Variants in LYPD1 observed in about 807,000 individuals in gnomAD.
LYPD1 encodes the protein ly6/PLAUR domain-containing protein 1.
Under a neutral mutation model 14.2 loss-of-function variants are expected in LYPD1, and 14 were observed. The observed-to-expected ratio is 0.99, with a 90% CI of 0.65 to 1.54. The LOEUF (loss-of-function observed/expected upper bound fraction) is 1.54, where lower values mean the gene tolerates loss of function less well. Ranked by LOEUF, LYPD1 falls within the 40% of genes most tolerant of loss-of-function variation. LYPD1 has a pLI of 0.00. For missense variants in LYPD1, 165 were observed against 175.7 expected (o/e 0.94, Z 0.34); for synonymous variants, 85 against 70.6 (o/e 1.20, Z -1.02).
chr2:132,645,503 A>G lies in LYPD1; in HGVS notation c.*542T>C. ...ACTTTTCAGAGCGAGGCCGAGCCCCAGTCTAAGTCCCAGTCATTGAGTCTC... is the reference window on the plus strand; with the variant it reads ...ACTTTTCAGAGCGAGGCCGAGCCCCGGTCTAAGTCCCAGTCATTGAGTCTC... On this transcript the variant is annotated 3_prime_UTR_variant, in exon 3 of 3. Transcript: ENST00000397463. The G allele has an allele frequency of 6.2e-7, 1 of 1,613,562 alleles. No individual in the cohort carries two copies. The highest frequency in any genetic ancestry group is 2.2e-5 in the East Asian group (1 of 44,854).
At chr2:132,656,525 A>AT (rs138478348) in intron 2 of LYPD1, among the ~76,000 whole-genome samples, 8,781 of 152,008 alleles carry the variant, frequency 0.058, 818 homozygotes, top group African/African-American at 0.2. Flanking sequence ...GCATCCAAGT[A>AT]TTTTTTTTGT....
rs1006198109 is a variant in LYPD1, at chr2:132,669,908, T to C, written c.25A>G (p.Thr9Ala). Residue 9 changes from threonine (T) to alanine (A), a missense_variant, in exon 1 of 3, where the codon ACT becomes GCT. Transcript: ENST00000397463. This position sits in a 1 kb window ranked among gnomAD's most constrained non-coding sequence, Gnocchi z 4.3. Reference protein sequence around the residue: MWVLGIAATFCGLFLLPGF... With the variant: MWVLGIAAAFCGLFLLPGF... Reference sequence around the variant, plus strand: ...GGAAGCAAGAACAATCCGCAAAAAGTTGCCGCGATGCCTAGGACCCACATT... The same window carrying C: ...GGAAGCAAGAACAATCCGCAAAAAGCTGCCGCGATGCCTAGGACCCACATT... 9.3e-6 allele frequency: 15 copies of C among 1,612,758 alleles called. No individual in the cohort carries two copies. The highest frequency in any genetic ancestry group is 1.1e-5 in the Non-Finnish European group (13 of 1,179,370).
intron 2 of LYPD1, among the ~76,000 whole-genome samples, chr2:132,657,281 C>T (rs1294087980): frequency 6.6e-6 from 1 of 152,200 alleles, no homozygotes; most frequent in Non-Finnish European, 1.5e-5. Flanking sequence ...TCTGCGCAGT[C>T]ACTTGCTTTC....
chr2:132,670,021 G>T lies in LYPD1; in HGVS notation c.-89C>A. On this transcript the variant is annotated 5_prime_UTR_variant, in exon 1 of 3. Transcript: ENST00000397463. This position sits in a 1 kb window ranked among gnomAD's most constrained non-coding sequence, Gnocchi z 4.5. ...TGCCCCGGCTGCAGCGGCTGTGGCT[G>T]CCGAGGCTGCTGGGGCCCGCGCTGC... The T allele has an allele frequency of 6.4e-7, 1 of 1,570,096 alleles. No homozygotes were observed. Among genetic ancestry groups the T allele is most frequent in the Non-Finnish European group, 8.6e-7 (1 of 1,165,812 alleles).
In LYPD1 at chr2:132,650,038, AAAT is replaced by A. The variant is rs537893763; in HGVS notation, c.191-3761_191-3759del. Among the ~76,000 whole-genome samples, 114 of 152,346 alleles carry A rather than the reference AAAT, an allele frequency of 7.5e-4. 7 individuals are homozygous for A. In the South Asian group the frequency reaches 0.023, roughly 31 times the overall value. On this transcript the variant is annotated intron_variant, in intron 2 of 2. Coordinates refer to ENST00000397463, the MANE Select transcript of LYPD1 (RefSeq NM_144586.7). ...AAAAAGACAAGTGAAACATTGGAAA[AAAT>A]AATTGTAACTCAAATCACAAAGCAG...
intron 2 of LYPD1, among the ~76,000 whole-genome samples, chr2:132,648,361 C>G (rs1558874659): frequency 6.6e-6 from 1 of 152,232 alleles, no homozygotes; most frequent in East Asian, 1.9e-4. Flanking sequence ...GTTCCAGGCC[C>G]TCCGCCGTGT....
At chr2:132,661,274 G>A (rs1682923177) in intron 2 of LYPD1, among the ~76,000 whole-genome samples, 1 of 152,178 alleles carries the variant, frequency 6.6e-6, no homozygotes, top group Admixed American at 6.5e-5. Flanking sequence ...TTATATAATA[G>A]ATGGGCAAGA....
chr2:132,656,605 G>T (rs1049700147), intron 2 of LYPD1, among the ~76,000 whole-genome samples: 1 of 152,190 alleles, frequency 6.6e-6, no homozygotes, highest in Non-Finnish European at 1.5e-5. Flanking sequence ...GAAAGTAGAG[G>T]CTTCTCTATA....
Position 132,645,759 on chromosome 2 carries a change from G to C in LYPD1, c.*286C>G. ...AGATGCCCACCTCAGTGACTTCTAA[G>C]GACTGACTCTGCCAGCCTGGCCTTG... On this transcript the variant is annotated 3_prime_UTR_variant, in exon 3 of 3. Coordinates refer to ENST00000397463, the MANE Select transcript of LYPD1 (RefSeq NM_144586.7). The C allele has an allele frequency of 9.1e-7, 1 of 1,103,952 alleles. No individual in the cohort carries two copies. Among genetic ancestry groups the C allele is most frequent in the Non-Finnish European group, 1.3e-6 (1 of 792,350 alleles). 68.4% of individuals were successfully genotyped at this position (1,103,952 alleles called of 1,614,324 possible).
chr2:132,644,794 GCAAA>G lies in LYPD1; in HGVS notation c.*1247_*1250del, dbSNP rs59022117. On this transcript the variant is annotated 3_prime_UTR_variant, in exon 3 of 3. Coordinates refer to ENST00000397463, the MANE Select transcript of LYPD1 (RefSeq NM_144586.7). ...ATAACATGAACTGCTTTCTGGATAC[GCAAA>G]CAAACACCAATGAAAACATTTTTTT... The G allele has an allele frequency of 7.9e-3, 2,503 of 316,856 alleles. 38 individuals are homozygous for G. The highest frequency in any genetic ancestry group is 0.035 in the African/African-American group (1,622 of 46,100). 19.6% of individuals were successfully genotyped at this position (316,856 alleles called of 1,614,324 possible).
chr2:132,666,149 A>G (rs1218146456), intron 2 of LYPD1, among the ~76,000 whole-genome samples: 1 of 152,222 alleles, frequency 6.6e-6, no homozygotes, highest in Non-Finnish European at 1.5e-5. Flanking sequence ...TGGGCGCTCA[A>G]CAACAGTTAG....
rs1200549345 is a variant in LYPD1 at position 132,645,625 on chromosome 2, T to G, written c.*420A>C. 6.3e-7 allele frequency: 1 copy of G among 1,599,190 alleles called. No individual in the cohort carries two copies. Among genetic ancestry groups the G allele is most frequent in the Non-Finnish European group, 8.5e-7 (1 of 1,172,722 alleles). On this transcript the variant is annotated 3_prime_UTR_variant, in exon 3 of 3. Transcript: ENST00000397463. ...AGTTTGAATGTCAAGCGAGGGAGCC[T>G]TGAGTGGGAACTGGCCCTCCAGCCC...
intron 2 of LYPD1, among the ~76,000 whole-genome samples, chr2:132,648,072 A>C (rs894480289): frequency 6.6e-6 from 1 of 152,194 alleles, no homozygotes; most frequent in South Asian, 2.1e-4. Context: ...GCCTGTATCT[A>C]TGTGTGGGAG....
At chr2:132,659,914 G>T (rs1490376906) in intron 2 of LYPD1, among the ~76,000 whole-genome samples, 1 of 152,214 alleles carries the variant, frequency 6.6e-6, no homozygotes, top group African/African-American at 2.4e-5. Flanking sequence ...ATAGAACAGT[G>T]CATAAACCCC....
chr2:132,661,750 G>A (rs1682954811), intron 2 of LYPD1, among the ~76,000 whole-genome samples: 1 of 152,122 alleles, frequency 6.6e-6, no homozygotes, highest in Admixed American at 6.5e-5. Flanking sequence ...AAAATGAGGG[G>A]TGACTGCTAA....
rs199532507 is a variant in LYPD1, at chr2:132,668,432, A to G, written c.158T>C (p.Met53Thr). The G allele has an allele frequency of 3.7e-6, 6 of 1,608,374 alleles. No homozygotes were observed. Among genetic ancestry groups the G allele is most frequent in the East Asian group, 2.3e-5 (1 of 44,370 alleles). Residue 53 changes from methionine to threonine, a missense_variant, in exon 2 of 3, where the codon ATG becomes ACG. Met to Thr is a moderately conservative substitution (Grantham distance 81). Transcript: ENST00000397463. Reference protein sequence around the residue: ...IVNCTVNVQDMCQKEVMEQSA... With the variant: ...IVNCTVNVQDTCQKEVMEQSA... ...TTGCTCCATCACTTCTTTCTGACAC[A>G]TGTCTTGAACGTTCACCGTGCAATT...
At chr2:132,661,777 T>C (rs1353497437) in intron 2 of LYPD1, among the ~76,000 whole-genome samples, 1 of 152,098 alleles carries the variant, frequency 6.6e-6, no homozygotes, top group East Asian at 1.9e-4. Context: ...AAAGTTTCTT[T>C]TGGGGTGATG....
At chr2:132,668,709 G>A (rs1301988779) in intron 1 of LYPD1, among the ~76,000 whole-genome samples, 172 bp from the exon 2 acceptor site, 3 of 152,094 alleles carry the variant, frequency 2.0e-5, no homozygotes, top group South Asian at 2.1e-4. Context: ...GGGCGGCGCG[G>A]GTACCTAGGG....
rs986428162 is a variant in LYPD1, at chr2:132,645,970, C to T, written c.*75G>A. On this transcript the variant is annotated 3_prime_UTR_variant, in exon 3 of 3. Coordinates refer to ENST00000397463, the MANE Select transcript of LYPD1 (RefSeq NM_144586.7). Reference sequence around the variant, plus strand: ...AGAATAAAAGGACACCCAGAAGAAACTCACTCAGGGAGGTGGGGGGTTGGG... The same window carrying T: ...AGAATAAAAGGACACCCAGAAGAAATTCACTCAGGGAGGTGGGGGGTTGGG... 57 of 1,139,780 alleles carry T rather than the reference C, an allele frequency of 5.0e-5. No homozygotes were observed. Among genetic ancestry groups the T allele is most frequent in the Middle Eastern group, 6.1e-4 (2 of 3,288 alleles). 70.6% of individuals were successfully genotyped at this position (1,139,780 alleles called of 1,614,324 possible).
Sources: gnomAD v4.1 joint callset for allele counts (sites outside exome capture counted in the v4.1 genomes callset) on GRCh38, gnomAD v4.1.1 for gene constraint, Gnocchi (gnomAD v3.1) non-coding constraint, MANE v1.5 for transcripts, NCBI Gene and HGNC (gene_info 2026-07-23, HGNC 2026-07-21) for gene names.